Variants in LHPP observed in about 807,000 individuals in gnomAD.
The protein encoded by LHPP is hLHPP.
LHPP carries 24 observed loss-of-function variants against 30.3 expected under a neutral mutation model. The observed-to-expected ratio is 0.79, with a 90% confidence interval of 0.57 to 1.11. LHPP has a LOEUF of 1.11. Ranked by LOEUF, LHPP falls within the 50% of genes most tolerant of loss-of-function variation. The pLI is 0.00. For missense variants in LHPP, 356 were observed against 367.2 expected (o/e 0.97, Z 0.25); for synonymous variants, 150 against 157.1 (o/e 0.95, Z 0.34).
At chr10:124,579,353 G>A (rs1337373180) in intron 6 of LHPP, among the ~76,000 whole-genome samples, 1 of 152,196 alleles carries the variant, frequency 6.6e-6, no homozygotes, top group Non-Finnish European at 1.5e-5. Context: ...CGGACACGGC[G>A]CCAACAGGGG....
chr10:124,559,697 G>A (rs1277830249), intron 6 of LHPP, among the ~76,000 whole-genome samples: 4 of 152,258 alleles, frequency 2.6e-5, no homozygotes, highest in Non-Finnish European at 5.9e-5. Context: ...CTCAGTCCTG[G>A]AGGACTTCCT....
At chr10:124,610,414 TGAGG>T in intron 6 of LHPP, among the ~76,000 whole-genome samples, 1 of 99,758 alleles carries the variant, frequency 1.0e-5, no homozygotes, top group African/African-American at 3.9e-5. Flanking sequence ...GTGGAGCGGG[TGAGG>T]GTGAGGGTGA....
intron 6 of LHPP, among the ~76,000 whole-genome samples, chr10:124,549,158 C>T (rs1955419718): frequency 1.3e-5 from 2 of 152,208 alleles, no homozygotes; most frequent in Middle Eastern, 3.2e-3. Flanking sequence ...AATGTATAGC[C>T]AGGCACAGTG....
Position 124,470,474 on chromosome 10 carries a change from G to A in LHPP, c.125+8487G>A, listed in dbSNP as rs116772587. 4.0e-3 allele frequency among the ~76,000 whole-genome samples: 607 copies of A among 152,120 alleles called. 5 individuals carry two copies. The highest frequency in any genetic ancestry group is 0.014 in the African/African-American group (582 of 41,504). On this transcript the variant is annotated intron_variant, in intron 1 of 6. Coordinates refer to ENST00000368842, the MANE Select transcript of LHPP (RefSeq NM_022126.4). ...ATCCCCTGTGTGTCTGGGTGCCTTCGGGATCCTGATAAAACGTAGGTGCCT... is the reference window on the plus strand; with the variant it reads ...ATCCCCTGTGTGTCTGGGTGCCTTCAGGATCCTGATAAAACGTAGGTGCCT...
chr10:124,532,088 G>C (rs1193402494), intron 6 of LHPP, among the ~76,000 whole-genome samples: 2 of 152,226 alleles, frequency 1.3e-5, no homozygotes, highest in African/African-American at 4.8e-5. Flanking sequence ...CGCAGGCACT[G>C]GCAGCCCCTT....
rs766941152 is a variant in LHPP, at chr10:124,549,377, A to G, written c.716+32106A>G. Among the ~76,000 whole-genome samples the G allele has an allele frequency of 7.2e-5, 11 of 152,094 alleles. 1 individual carries two copies. Among genetic ancestry groups the G allele is most frequent in the Non-Finnish European group, 1.6e-4 (11 of 67,976 alleles). ...GAGCTCAGGAGTTCGAGGTTGCACC[A>G]TGATTACACCTGTGAGTAGCCATGC... On this transcript the variant is annotated intron_variant, in intron 6 of 6. Transcript: ENST00000368842.
intron 6 of LHPP, among the ~76,000 whole-genome samples, chr10:124,546,343 G>A (rs915036308): frequency 6.6e-6 from 1 of 152,210 alleles, no homozygotes; most frequent in Non-Finnish European, 1.5e-5. Context: ...TTCCTTATGA[G>A]CTCCCATTAT....
At chr10:124,479,566 G>A (rs562666464) in intron 1 of LHPP, among the ~76,000 whole-genome samples, 3 of 152,136 alleles carry the variant, frequency 2.0e-5, no homozygotes, top group East Asian at 2.0e-4. Context: ...TCAGGGGGTC[G>A]GCATGGCCAG....
In LHPP at chr10:124,510,924, G is replaced by C. The variant is rs1256386432; in HGVS notation, c.625-6256G>C. On this transcript the variant is annotated intron_variant, in intron 5 of 6. Transcript: ENST00000368842. The surrounding 1 kb of genome is among the most constrained non-coding windows in gnomAD (Gnocchi z 4.0). The stretch of plus-strand genomic sequence containing the variant: ...GCAGCCGTGGGGGCTTGCCCGGCCA[G>C]CCCTGGCTTTTCCCAACCCTCAGAG... Among the ~76,000 whole-genome samples the C allele has an allele frequency of 1.3e-5, 2 of 152,242 alleles. No homozygotes were observed. The highest frequency in any genetic ancestry group is 2.9e-5 in the Non-Finnish European group (2 of 68,040).
rs1395041781 is a variant in LHPP, at chr10:124,596,998, A to C, written c.717-16266A>C. Among the ~76,000 whole-genome samples, 1 of 152,156 alleles carries C rather than the reference A, an allele frequency of 6.6e-6. No homozygotes were observed. Among genetic ancestry groups the C allele is most frequent in the Non-Finnish European group, 1.5e-5 (1 of 68,020 alleles). ...TGTCCTTGTGGCTGGAACAAAGCAG[A>C]TGGAGGAAGGTGGGAAGACTTTGTT... On this transcript the variant is annotated intron_variant, in intron 6 of 6. Coordinates refer to ENST00000368842, the MANE Select transcript of LHPP (RefSeq NM_022126.4). The surrounding 1 kb of genome is among the most constrained non-coding windows in gnomAD (Gnocchi z 4.6).
chr10:124,499,038 C>T (rs1047173636), intron 5 of LHPP, among the ~76,000 whole-genome samples: 16 of 149,672 alleles, frequency 1.1e-4, no homozygotes, highest in African/African-American at 3.8e-4. Context: ...TGCACCACCA[C>T]ACCAGCTAAT....
chr10:124,553,911 C>T (rs919982135), intron 6 of LHPP: 1 of 985,378 alleles, frequency 1.0e-6, no homozygotes, highest in East Asian at 1.1e-4. Context: ...CTGTTGGCAT[C>T]TGTTCTTTTC....
At chr10:124,537,424 G>T (rs1007405917) in intron 6 of LHPP, among the ~76,000 whole-genome samples, 5 of 152,242 alleles carry the variant, frequency 3.3e-5, no homozygotes, top group Admixed American at 2.0e-4. Flanking sequence ...CAGCAGGCGG[G>T]CCCAGCCCGG....
At chr10:124,463,008 C>T (rs546535847) in intron 1 of LHPP, among the ~76,000 whole-genome samples, 1 of 152,262 alleles carries the variant, frequency 6.6e-6, no homozygotes, top group East Asian at 1.9e-4. Context: ...GCTGGAATTA[C>T]AGGCATGTGC....
intron 6 of LHPP, among the ~76,000 whole-genome samples, chr10:124,548,501 G>A (rs1955406012): frequency 6.6e-6 from 1 of 152,196 alleles, no homozygotes; most frequent in African/African-American, 2.4e-5. Flanking sequence ...TTCTGTCGAG[G>A]TGGGTGGGTC....
At chr10:124,540,227 C>T (rs1029587535) in intron 6 of LHPP, among the ~76,000 whole-genome samples, 3 of 152,174 alleles carry the variant, frequency 2.0e-5, no homozygotes, top group Admixed American at 1.3e-4. Context: ...TGTGGCCTCC[C>T]GAGACAAGGA....
At chr10:124,488,374 A>T in intron 2 of LHPP, 48 bp from the exon 3 acceptor site, 1 of 1,593,812 alleles carries the variant, frequency 6.3e-7, no homozygotes, top group Non-Finnish European at 8.6e-7. Flanking sequence ...GAGGTAGGCC[A>T]TGTCCTCCCA....
At chr10:124,489,333 T>C (rs1402256704) in intron 3 of LHPP, among the ~76,000 whole-genome samples, 2 of 152,214 alleles carry the variant, frequency 1.3e-5, no homozygotes, top group Admixed American at 1.3e-4. Flanking sequence ...AGCATCGATG[T>C]CACACTTGAC....
intron 5 of LHPP, chr10:124,498,646 T>A: frequency 6.2e-6 from 4 of 648,602 alleles, no homozygotes; most frequent in Non-Finnish European, 1.1e-5. Context: ...TCCAGTGGGT[T>A]TTCTTTTCTT....
Sources: gnomAD v4.1 joint callset for allele counts (sites outside exome capture counted in the v4.1 genomes callset) on GRCh38, gnomAD v4.1.1 for gene constraint, Gnocchi (gnomAD v3.1) non-coding constraint, MANE v1.5 for transcripts, NCBI Gene and HGNC (gene_info 2026-07-23, HGNC 2026-07-21) for gene names.